Variants in ZNF136 observed in about 807,000 individuals in gnomAD.
The protein encoded by ZNF136 is zinc finger protein 136 (clone pHZ-20).
In ZNF136, 8 loss-of-function variants were observed where a neutral mutation model predicts 11.4. The ratio of observed to expected loss-of-function variants is 0.70; its 90% CI spans 0.41 to 1.27. The LOEUF is 1.27. Among genes scored for constraint, ZNF136 ranks in the 50% most tolerant of loss-of-function variants. The pLI is 0.01. For missense variants in ZNF136, 590 were observed against 656.5 expected, an observed-to-expected ratio of 0.90 and a Z score of 1.11; for synonymous variants, 190 against 207.1, an observed-to-expected ratio of 0.92 and a Z score of 0.71.
At chr19:12,171,640 G>T (rs555802514) in intron 1 of ZNF136, among the ~76,000 whole-genome samples, 1 of 151,396 alleles carries the variant, frequency 6.6e-6, no homozygotes, top group East Asian at 2.0e-4. Flanking sequence ...TTTGTTCCAG[G>T]GAGTGATTTA....
Position 12,188,845 on chromosome 19 carries a change from TG to T in ZNF136, c.*845del, listed in dbSNP as rs1266548225. The stretch of plus-strand genomic sequence containing the variant: ...TTCTAATACAGCAAAATCCTATAAA[TG>T]TAAGTACTTCAAAAAGCCTCATGCA... On this transcript the variant is annotated 3_prime_UTR_variant, in exon 4 of 4. Coordinates refer to ENST00000343979, the MANE Select transcript of ZNF136 (RefSeq NM_003437.5). 1.3e-5 allele frequency: 2 copies of T among 151,672 alleles called. No individual in the cohort carries two copies. Among genetic ancestry groups the T allele is most frequent in the East Asian group, 3.9e-4 (2 of 5,172 alleles). 9.4% of individuals were successfully genotyped at this position (151,672 alleles called of 1,614,324 possible).
At position 12,187,666 on chromosome 19, in the gene ZNF136, G is replaced by C; in HGVS notation, c.1288G>C (p.Val430Leu). The C allele has an allele frequency of 6.2e-7, 1 of 1,613,640 alleles. No individual in the cohort carries two copies. Among genetic ancestry groups the C allele is most frequent in the Non-Finnish European group, 8.5e-7 (1 of 1,179,912 alleles). ...YVCKHCGKAF[V>L]SSTSIRIHER... ...ATGTAAACATTGTGGTAAAGCTTTC[G>C]TTTCTTCAACATCAATTCGAATACA... The change falls in exon 4 of 4, where the codon GTT becomes CTT. Residue 430 changes from valine to leucine, a missense_variant. Val to Leu is a conservative substitution (Grantham distance 32). Transcript: ENST00000343979.
intron 1 of ZNF136, among the ~76,000 whole-genome samples, chr19:12,165,447 A>G (rs1977172227): frequency 6.6e-6 from 1 of 152,364 alleles, no homozygotes; most frequent in Middle Eastern, 3.4e-3. Flanking sequence ...AGAGAAGATA[A>G]TGTATTTCCC....
intron 1 of ZNF136, among the ~76,000 whole-genome samples, chr19:12,179,095 A>T (rs1914873600): frequency 6.6e-6 from 1 of 152,086 alleles, no homozygotes; most frequent in Non-Finnish European, 1.5e-5. Flanking sequence ...TTTCATTTTC[A>T]TGCTCATGTA....
At position 12,186,103 on chromosome 19, in the gene ZNF136, C is replaced by T. The variant is rs765168934; in HGVS notation, c.131-11C>T. 1.2e-6 allele frequency: 2 copies of T among 1,605,484 alleles called. No homozygotes were observed. The highest frequency in any genetic ancestry group is 1.3e-5 in the African/African-American group (1 of 74,352). ...GCACTAATTCAGAATTTTTCTGGGT[C>T]TCTGTTTTAGGGAAAAAATGGAAGG... On this transcript the variant is annotated splice_polypyrimidine_tract_variant and intron_variant, in intron 2 of 3. Coordinates refer to ENST00000343979, the MANE Select transcript of ZNF136 (RefSeq NM_003437.5).
intron 1 of ZNF136, 35 bp downstream of exon 1, chr19:12,163,241 A>T: frequency 7.3e-7 from 1 of 1,369,192 alleles, no homozygotes; most frequent in Non-Finnish European, 9.5e-7. Context: ...CGAGACAGGG[A>T]GGAGGGGCTG....
chr19:12,184,036 G>A (rs1915019105), intron 1 of ZNF136, among the ~76,000 whole-genome samples: 1 of 151,988 alleles, frequency 6.6e-6, no homozygotes, highest in African/African-American at 2.4e-5. Flanking sequence ...GGAGGCCAAG[G>A]CTGGCAGATA....
chr19:12,185,600 G>T, intron 1 of ZNF136, 185 bp from the exon 2 acceptor site: 1 of 680,728 alleles, frequency 1.5e-6, no homozygotes, highest in Non-Finnish European at 2.3e-6. Context: ...CACTGCTATT[G>T]TTCTACCCGA....
intron 1 of ZNF136, among the ~76,000 whole-genome samples, chr19:12,172,862 A>G (rs931662065): frequency 2.0e-5 from 3 of 152,118 alleles, no homozygotes; most frequent in Non-Finnish European, 4.4e-5. Context: ...AAATACAAAA[A>G]TGAGCTGGGT....
At position 12,185,889 on chromosome 19, in the gene ZNF136, C is replaced by G; in HGVS notation, c.108C>G (p.Thr36=). The change falls in exon 2 of 4, where the codon ACC becomes ACG. Residue 36 remains threonine (T), a synonymous_variant. Coordinates refer to ENST00000343979, the MANE Select transcript of ZNF136 (RefSeq NM_003437.5). ...KNLYRDVMWE[T]MRNLASIGKK... The stretch of plus-strand genomic sequence containing the variant: ...TCTACAGAGATGTGATGTGGGAAAC[C>G]ATGAGGAATCTGGCCTCTATAGGTA... The G allele has an allele frequency of 6.2e-7, 1 of 1,613,596 alleles. No individual in the cohort carries two copies.
At chr19:12,184,731 A>G (rs1045577339) in intron 1 of ZNF136, 4 of 152,076 alleles carry the variant, frequency 2.6e-5, no homozygotes, top group Non-Finnish European at 4.4e-5. Context: ...TGCTTCCTGG[A>G]GTGTTTCTGG....
Position 12,187,680 on chromosome 19 carries a change from A to G in ZNF136, c.1302A>G (p.Ser434=). ...HCGKAFVSST[S]IRIHERTHTG... is the part of the protein sequence containing the mutation. ...GTAAAGCTTTCGTTTCTTCAACATCAATTCGAATACATGAAAGAACTCATA... is the reference window on the plus strand; with the variant it reads ...GTAAAGCTTTCGTTTCTTCAACATCGATTCGAATACATGAAAGAACTCATA... The change falls in exon 4 of 4, where the codon TCA becomes TCG. Residue 434 remains serine, a synonymous_variant. Transcript: ENST00000343979. 6.2e-7 allele frequency: 1 copy of G among 1,613,840 alleles called. No individual in the cohort carries two copies. Among genetic ancestry groups the G allele is most frequent in the Non-Finnish European group, 8.5e-7 (1 of 1,179,958 alleles).
In ZNF136 at chr19:12,186,693, T is replaced by C; in HGVS notation, c.315T>C (p.Ile105=). Residue 105 remains isoleucine, a synonymous_variant, in exon 4 of 4, where the codon ATT becomes ATC. Transcript: ENST00000343979. The part of the protein sequence containing the change: ...KIPGVKLCES[I]VYGEVSMGQS... ...CTGGAGTGAAACTCTGTGAAAGCAT[T>C]GTATATGGAGAAGTCAGCATGGGTC... 1 of 1,614,116 alleles carries C rather than the reference T, an allele frequency of 6.2e-7. No individual in the cohort carries two copies. Among genetic ancestry groups the C allele is most frequent in the South Asian group, 1.1e-5 (1 of 91,084 alleles).
At chr19:12,175,768 TTTGA>T (rs1362282464) in intron 1 of ZNF136, among the ~76,000 whole-genome samples, 1 of 152,204 alleles carries the variant, frequency 6.6e-6, no homozygotes, top group East Asian at 1.9e-4. Context: ...TACAGAGTAG[TTTGA>T]TTGTCCTAAA....
Position 12,171,181 on chromosome 19 carries a change from A to G in ZNF136, c.3+7975A>G, listed in dbSNP as rs199801036. Among the ~76,000 whole-genome samples, 7 of 151,774 alleles carry G rather than the reference A, an allele frequency of 4.6e-5. No individual in the cohort carries two copies. In the East Asian group the frequency reaches 1.4e-3, roughly 30 times the overall value. On this transcript the variant is annotated intron_variant, in intron 1 of 3. Transcript: ENST00000343979. Reference sequence around the variant, plus strand: ...TTTTTAGTAGAGATGGGGTTTCACCATGTTGGCCAGGATGGTCTTGATCTC... The same window carrying G: ...TTTTTAGTAGAGATGGGGTTTCACCGTGTTGGCCAGGATGGTCTTGATCTC...
At chr19:12,175,022 A>G (rs1297454340) in intron 1 of ZNF136, among the ~76,000 whole-genome samples, 1 of 151,238 alleles carries the variant, frequency 6.6e-6, no homozygotes, top group Non-Finnish European at 1.5e-5. Flanking sequence ...ACGCCCAGCT[A>G]ATTTTTTGTA....
chr19:12,165,233 G>A (rs1977170044), intron 1 of ZNF136, among the ~76,000 whole-genome samples: 1 of 152,180 alleles, frequency 6.6e-6, no homozygotes, highest in South Asian at 2.1e-4. Flanking sequence ...TCTTGGGCGG[G>A]TGGTCACTGA....
chr19:12,185,696 A>G, intron 1 of ZNF136, 89 bp from the exon 2 acceptor site: 1 of 1,518,906 alleles, frequency 6.6e-7, no homozygotes, highest in South Asian at 1.3e-5. Flanking sequence ...CAGACCCCTG[A>G]AACATGTGAA....
chr19:12,165,695 C>G (rs1332412906), intron 1 of ZNF136, among the ~76,000 whole-genome samples: 1 of 152,160 alleles, frequency 6.6e-6, no homozygotes, highest in Non-Finnish European at 1.5e-5. Context: ...TGTGTGTGTT[C>G]ACAGTGGTGT....
Sources: allele counts gnomAD v4.1 joint callset (sites outside exome capture counted in the v4.1 genomes callset), GRCh38; gene constraint gnomAD v4.1.1; transcripts MANE v1.5; gene names NCBI Gene and HGNC (gene_info 2026-07-23, HGNC 2026-07-21).